DERA: variants seen among roughly 807,000 people sequenced by gnomAD.
The protein encoded by DERA is deoxyribose-phosphate aldolase, also known as 2-deoxy-D-ribose 5-phosphate aldolase.
Under a neutral mutation model 41.1 loss-of-function variants are expected in DERA, and 15 were observed. The ratio of observed to expected loss-of-function variants is 0.37; its 90% CI spans 0.24 to 0.56. The LOEUF (loss-of-function observed/expected upper bound fraction) is 0.56, where lower values mean the gene tolerates loss of function less well. Ranked by LOEUF, DERA falls within the 20% of genes least tolerant of loss-of-function variation. DERA has a pLI of 0.81. For missense variants in DERA, 396 were observed against 403.4 expected, an observed-to-expected ratio of 0.98 and a Z score of 0.16; for synonymous variants, 139 against 137.4, an observed-to-expected ratio of 1.01 and a Z score of -0.08.
Position 15,954,003 on chromosome 12 carries a change from G to C in DERA, c.32-2933G>C, listed in dbSNP as rs540180873. On this transcript the variant is annotated intron_variant, in intron 1 of 8. Transcript: ENST00000428559. This position sits in a 1 kb window ranked among gnomAD's most constrained non-coding sequence, Gnocchi z 4.0. Reference sequence around the variant, plus strand: ...TTAGCAGTCAAGGCTGATACTGTGAGAGAAGAAATCCTATTACATTCTCCA... The same window carrying C: ...TTAGCAGTCAAGGCTGATACTGTGACAGAAGAAATCCTATTACATTCTCCA... 2.1e-4 allele frequency among the ~76,000 whole-genome samples: 32 copies of C among 152,334 alleles called. No homozygotes were observed. Among genetic ancestry groups the C allele is most frequent in the African/African-American group, 7.2e-4 (30 of 41,580 alleles).
chr12:15,979,090 C>G (rs1179275319), intron 5 of DERA, among the ~76,000 whole-genome samples: 1 of 152,208 alleles, frequency 6.6e-6, no homozygotes, highest in African/African-American at 2.4e-5. Context: ...CAATACTATA[C>G]TTCTTCAGTA....
chr12:16,024,785 G>A (rs561262131), intron 6 of DERA, among the ~76,000 whole-genome samples: 11 of 152,046 alleles, frequency 7.2e-5, no homozygotes, highest in African/African-American at 1.2e-4. Context: ...AAAAGGAAGC[G>A]CATTAGAGAA....
Position 15,985,558 on chromosome 12 carries a change from A to T in DERA, c.637+3122A>T, listed in dbSNP as rs1948758616. Among the ~76,000 whole-genome samples the T allele has an allele frequency of 1.6e-5, 2 of 122,814 alleles. No individual in the cohort carries two copies. The highest frequency in any genetic ancestry group is 2.8e-5 in the African/African-American group (1 of 35,482). 80.6% of individuals were successfully genotyped at this position (122,814 alleles called of 152,430 possible). A position where few individuals can be genotyped will look rare whatever the true frequency, so the allele number is the denominator to read the frequency against. ...AATCTTTTCAGAGAGCCAAGTTTTT[A>T]TTTTGTTGTTTTTTTTTCATTACTT... is the stretch of plus-strand genomic sequence containing the variant. On this transcript the variant is annotated intron_variant, in intron 6 of 8. Transcript: ENST00000428559. This position sits in a 1 kb window ranked among gnomAD's most constrained non-coding sequence, Gnocchi z 4.2.
chr12:15,986,204 TC>T (rs963712749), intron 6 of DERA, among the ~76,000 whole-genome samples: 22 of 152,148 alleles, frequency 1.4e-4, no homozygotes, highest in African/African-American at 5.3e-4. Flanking sequence ...TATATTTTTT[TC>T]CATCTTTTTA....
rs542298479 is a variant in DERA, at chr12:15,999,778, C to A, written c.637+17342C>A. Among the ~76,000 whole-genome samples, 1 of 152,130 alleles carries A rather than the reference C, an allele frequency of 6.6e-6. No individual in the cohort carries two copies. Among genetic ancestry groups the A allele is most frequent in the African/African-American group, 2.4e-5 (1 of 41,418 alleles). ...TGACTGAGTAACTCATTCATTCATT[C>A]ATTTATTCAGTCGTTAGGATTTATT... On this transcript the variant is annotated intron_variant, in intron 6 of 8. Transcript: ENST00000428559. The surrounding 1 kb of genome is among the most constrained non-coding windows in gnomAD (Gnocchi z 5.3).
At chr12:15,932,578 A>G (rs1012648910) in intron 1 of DERA, among the ~76,000 whole-genome samples, 1 of 151,958 alleles carries the variant, frequency 6.6e-6, no homozygotes, top group Non-Finnish European at 1.5e-5. Context: ...GGAGGAGTGG[A>G]GGTTGCAGTG....
rs1177006965 is a variant in DERA at position 16,036,375 on chromosome 12, G to A, written c.894G>A (p.Glu298=). ...IGASTLLSDI[E]RQIYHHVTGR... is the part of the protein sequence containing the mutation. Reference sequence around the variant, plus strand: ...CCAGTACTCTGCTCTCGGACATTGAGAGGCAGGTGAGTAATCATCTCTGTC... The same window carrying A: ...CCAGTACTCTGCTCTCGGACATTGAAAGGCAGGTGAGTAATCATCTCTGTC... Residue 298 remains glutamate (E), a synonymous_variant, in exon 8 of 9, where the codon GAG becomes GAA. Coordinates refer to ENST00000428559, the MANE Select transcript of DERA (RefSeq NM_015954.4). The surrounding 1 kb of genome is among the most constrained non-coding windows in gnomAD (Gnocchi z 4.9). 6.3e-7 allele frequency: 1 copy of A among 1,595,356 alleles called. No homozygotes were observed. Among genetic ancestry groups the A allele is most frequent in the East Asian group, 2.2e-5 (1 of 44,512 alleles).
rs1948254934 is a variant in DERA, at chr12:15,922,973, T to C, written c.31+11559T>C. On this transcript the variant is annotated intron_variant, in intron 1 of 8. Coordinates refer to ENST00000428559, the MANE Select transcript of DERA (RefSeq NM_015954.4). The surrounding 1 kb of genome is among the most constrained non-coding windows in gnomAD (Gnocchi z 4.9). ...CTCTGTACCTTCTGTTCAGTTTTGC[T>C]GTGAGTCTGAAACTGCTCTAAAAAA... Among the ~76,000 whole-genome samples, 1 of 151,920 alleles carries C rather than the reference T, an allele frequency of 6.6e-6. No individual in the cohort carries two copies. Among genetic ancestry groups the C allele is most frequent in the African/African-American group, 2.4e-5 (1 of 41,374 alleles).
intron 1 of DERA, among the ~76,000 whole-genome samples, chr12:15,929,052 G>A (rs755764788): frequency 2.6e-5 from 4 of 152,138 alleles, no homozygotes; most frequent in Non-Finnish European, 1.5e-5. Context: ...CCAGGGCTTC[G>A]GGTTCAGCTG....
chr12:15,955,037 T>G (rs1018412853), intron 1 of DERA, among the ~76,000 whole-genome samples: 1 of 151,578 alleles, frequency 6.6e-6, no homozygotes, highest in East Asian at 1.9e-4. Context: ...CAGTGGCTCA[T>G]GCCTGTAATC....
chr12:15,987,591 C>T (rs906153142), intron 6 of DERA, among the ~76,000 whole-genome samples: 5 of 152,076 alleles, frequency 3.3e-5, no homozygotes, highest in Admixed American at 6.5e-5. Flanking sequence ...CTTTCCTTCT[C>T]GGACCCCAAG....
At position 16,006,557 on chromosome 12, in the gene DERA, C is replaced by T. The variant is rs80036978; in HGVS notation, c.637+24121C>T. On this transcript the variant is annotated intron_variant, in intron 6 of 8. Transcript: ENST00000428559. ...CAGCCCTGCCATCTGGAGACAGAAA[C>T]CTCATTCATTTCCACACGTCGTACC... 3.0e-3 allele frequency among the ~76,000 whole-genome samples: 461 copies of T among 152,338 alleles called. 7 individuals carry two copies. The East Asian group carries it at 0.049, about 16-fold the overall frequency.
At position 15,982,382 on chromosome 12, in the gene DERA, G is replaced by C; in HGVS notation, c.583G>C (p.Glu195Gln). Residue 195 changes from glutamate (E) to glutamine (Q), a missense_variant, in exon 6 of 9, where the codon GAA (glutamate) becomes CAA (glutamine). Coordinates refer to ENST00000428559, the MANE Select transcript of DERA (RefSeq NM_015954.4). The surrounding 1 kb of genome is among the most constrained non-coding windows in gnomAD (Gnocchi z 4.0). Reference protein sequence around the residue: ...AHLKTILATGELGTLTNVYKA... With the variant: ...AHLKTILATGQLGTLTNVYKA... ...TCTTAAAACTATATTAGCGACAGGA[G>C]AACTTGGAACTCTTACTAATGTCTA... 1 of 1,613,826 alleles carries C rather than the reference G, an allele frequency of 6.2e-7. No individual in the cohort carries two copies. The highest frequency in any genetic ancestry group is 8.5e-7 in the Non-Finnish European group (1 of 1,179,810).
Position 16,035,672 on chromosome 12 carries a change from G to A in DERA, c.751-560G>A, listed in dbSNP as rs935611969. ...TAGAACTGTGTGTGCCTGCAACTTA[G>A]AAAAAAAATCCCACAGTTAAATTGG... On this transcript the variant is annotated intron_variant, in intron 7 of 8. Transcript: ENST00000428559. This position sits in a 1 kb window ranked among gnomAD's most constrained non-coding sequence, Gnocchi z 4.1. 6.6e-6 allele frequency among the ~76,000 whole-genome samples: 1 copy of A among 151,912 alleles called. No homozygotes were observed.
At chr12:15,937,936 G>A (rs1592007287) in intron 1 of DERA, among the ~76,000 whole-genome samples, 1 of 152,336 alleles carries the variant, frequency 6.6e-6, no homozygotes, top group East Asian at 1.9e-4. Flanking sequence ...TAAGTACAGT[G>A]ATGAGGAGCT....
intron 6 of DERA, among the ~76,000 whole-genome samples, chr12:16,030,750 T>C (rs1002782877): frequency 2.4e-4 from 37 of 152,232 alleles, no homozygotes; most frequent in African/African-American, 8.9e-4. Flanking sequence ...TGTCTTTCTC[T>C]TCTAGAACAC....
At chr12:15,961,842 C>T (rs1007144143) in intron 4 of DERA, among the ~76,000 whole-genome samples, 22 of 152,312 alleles carry the variant, frequency 1.4e-4, no homozygotes, top group African/African-American at 5.3e-4. Context: ...CTCCTGAGTT[C>T]AAGCAGTTCT....
intron 4 of DERA, among the ~76,000 whole-genome samples, chr12:15,960,523 A>T (rs1193677149): frequency 6.7e-6 from 1 of 149,102 alleles, no homozygotes. Flanking sequence ...CTGTAATCCC[A>T]GCTGCTGGGA....
chr12:15,966,774 A>G lies in DERA; in HGVS notation c.508+3827A>G, dbSNP rs1442232482. ...TGTCCATGTTTCTCAGAATCTGAGA[A>G]CTGTGGTTCTCAGATTCTGTCCCAG... On this transcript the variant is annotated intron_variant, in intron 5 of 8. Transcript: ENST00000428559. This position sits in a 1 kb window ranked among gnomAD's most constrained non-coding sequence, Gnocchi z 5.1. 6.6e-6 allele frequency among the ~76,000 whole-genome samples: 1 copy of G among 151,908 alleles called. No homozygotes were observed. The highest frequency in any genetic ancestry group is 1.5e-5 in the Non-Finnish European group (1 of 67,978).
Sources: allele counts gnomAD v4.1 joint callset (sites outside exome capture counted in the v4.1 genomes callset), GRCh38; gene constraint gnomAD v4.1.1; non-coding constraint Gnocchi (gnomAD v3.1); transcripts MANE v1.5; gene names NCBI Gene and HGNC (gene_info 2026-07-23, HGNC 2026-07-21).